PPP1R21: variants seen among roughly 807,000 people sequenced by gnomAD.
PPP1R21 encodes KLRAQ motif containing 1.
PPP1R21 carries 85 observed loss-of-function variants against 112.8 expected under a neutral mutation model. The observed-to-expected ratio is 0.75, with a 90% CI of 0.63 to 0.90. PPP1R21 has a LOEUF of 0.90. Ranked by LOEUF, PPP1R21 falls within the 40% of genes least tolerant of loss-of-function variation. The probability of loss-of-function intolerance (pLI) is 0.00; values close to 1 mark genes in which losing one functional copy is unlikely to be tolerated. For missense variants in PPP1R21, 1,199 were observed against 901.5 expected (o/e 1.33, Z -4.23); for synonymous variants, 381 against 322.3 (o/e 1.18, Z -1.95).
chr2:48,463,365 A>G (rs187870131), intron 7 of PPP1R21, among the ~76,000 whole-genome samples: 1 of 152,236 alleles, frequency 6.6e-6, no homozygotes, highest in African/African-American at 2.4e-5. Context: ...TCAGAGGGTG[A>G]TGTATCAAGG....
Position 48,494,411 on chromosome 2 carries a change from TTTTATTTATTTA to T in PPP1R21, c.1600-1248_1600-1237del, listed in dbSNP as rs150607938. Among the ~76,000 whole-genome samples the T allele has an allele frequency of 1.8e-4, 27 of 146,900 alleles. No individual in the cohort carries two copies. In the East Asian group the frequency reaches 2.0e-3, roughly 11 times the overall value. On this transcript the variant is annotated intron_variant, in intron 15 of 21. Transcript: ENST00000294952. ...GTCATCTAACATAAAGCCTATTTTA[TTTTATTTATTTA>T]TTTATTTATTTATTTATTTTTGAAT...
chr2:48,507,976 G>A lies in PPP1R21; in HGVS notation c.2085+591G>A, dbSNP rs529535429. On this transcript the variant is annotated intron_variant, in intron 19 of 21. Transcript: ENST00000294952. ...GATGGAGTTTCACCATGTTGGCCAG[G>A]CTGGTCTTGAACTCCTGACCTCAGG... is the stretch of plus-strand genomic sequence containing the variant. Among the ~76,000 whole-genome samples, 215 of 150,510 alleles carry A rather than the reference G, an allele frequency of 1.4e-3. 1 individual carries two copies. The highest frequency in any genetic ancestry group is 2.6e-3 in the Non-Finnish European group (175 of 67,690).
At position 48,486,651 on chromosome 2, in the gene PPP1R21, C is replaced by A. The variant is rs1345381391; in HGVS notation, c.1339C>A (p.Gln447Lys). ...VMKDISKHYS[Q>K]KAAIEHELPT... ...TATAGATATTTCCAAACATTATAGT[C>A]AAAAAGCTGCAATAGAGCATGAACT... Residue 447 changes from glutamine to lysine, a missense_variant, in exon 14 of 22, where the codon CAA becomes AAA. Coordinates refer to ENST00000294952, the MANE Select transcript of PPP1R21 (RefSeq NM_001135629.3). 7 of 1,611,226 alleles carry A rather than the reference C, an allele frequency of 4.3e-6. No individual in the cohort carries two copies. The highest frequency in any genetic ancestry group is 2.7e-5 in the African/African-American group (2 of 74,934).
intron 18 of PPP1R21, among the ~76,000 whole-genome samples, chr2:48,506,346 G>A (rs1572898292): frequency 6.6e-6 from 1 of 152,154 alleles, no homozygotes; most frequent in African/African-American, 2.4e-5. Context: ...CATCTGCCTC[G>A]GCCTCCCAAA....
rs1309961272 is a variant in PPP1R21 at position 48,510,450 on chromosome 2, T to C, written c.2184+337T>C. Reference sequence around the variant, plus strand: ...TACATAGTACTCTGTTCCTTTTCTTTCCTGTTGCATAAAACGGATCTAAAC... The same window carrying C: ...TACATAGTACTCTGTTCCTTTTCTTCCCTGTTGCATAAAACGGATCTAAAC... On this transcript the variant is annotated intron_variant, in intron 20 of 21. Transcript: ENST00000294952. 3.3e-5 allele frequency among the ~76,000 whole-genome samples: 5 copies of C among 152,236 alleles called. No homozygotes were observed. In the South Asian group the frequency reaches 1.0e-3, roughly 31 times the overall value.
intron 2 of PPP1R21, among the ~76,000 whole-genome samples, chr2:48,451,328 C>T (rs1667459973): frequency 1.3e-5 from 2 of 152,176 alleles, no homozygotes; most frequent in African/African-American, 4.8e-5. Context: ...ACTCCTGTGC[C>T]TCAAGGCCTT....
rs757665405 is a variant in PPP1R21, at chr2:48,458,266, G to A, written c.375+39G>A. On this transcript the variant is annotated intron_variant, in intron 4 of 21. Transcript: ENST00000294952. ...TTTTTCTATGTGAATTAAAAAATGG[G>A]TCTGTGATCTGTTAATGTGGAAAAG... 2.9e-6 allele frequency: 4 copies of A among 1,372,554 alleles called. No individual in the cohort carries two copies. In the African/African-American group the frequency reaches 5.7e-5, roughly 20 times the overall value. The allele number at this position is 1,372,554 out of a possible 1,614,324, so 85.0% of individuals were successfully genotyped here. A position where few individuals can be genotyped will look rare whatever the true frequency, so the allele number is the denominator to read the frequency against.
chr2:48,488,799 A>AT (rs1203288362), intron 14 of PPP1R21, among the ~76,000 whole-genome samples: 3 of 152,216 alleles, frequency 2.0e-5, no homozygotes, highest in African/African-American at 7.2e-5. Context: ...ATATGATTTG[A>AT]TTAACCTAAT....
At chr2:48,445,234 G>C (rs75150625) in intron 1 of PPP1R21, among the ~76,000 whole-genome samples, 17,990 of 149,428 alleles carry the variant, frequency 0.12, 1,137 homozygotes, top group African/African-American at 0.16. Context: ...TCCAATGGAA[G>C]TTTCCATGAG....
chr2:48,469,552 T>TAG lies in PPP1R21; in HGVS notation c.898-1522_898-1521dup, dbSNP rs71327622. On this transcript the variant is annotated intron_variant, in intron 9 of 21. Coordinates refer to ENST00000294952, the MANE Select transcript of PPP1R21 (RefSeq NM_001135629.3). ...TATATATATAGAGCATATATATATA[T>TAG]AGAGAGAGAGAGAGCATATATATAT... is the stretch of plus-strand genomic sequence containing the variant. Among the ~76,000 whole-genome samples the TAG allele has an allele frequency of 1.3e-4, 14 of 106,904 alleles. 1 individual carries two copies. In the East Asian group the frequency reaches 2.8e-3, roughly 21 times the overall value. The allele number at this position is 106,904 out of a possible 152,430, so 70.1% of individuals were successfully genotyped here.
intron 11 of PPP1R21, among the ~76,000 whole-genome samples, chr2:48,473,089 C>G (rs1217993189): frequency 6.7e-6 from 1 of 148,832 alleles, no homozygotes; most frequent in South Asian, 2.1e-4. Flanking sequence ...AAGAAATATA[C>G]AATTTTATTA....
chr2:48,507,749 C>CTTTTTTTTTTTTTTTTTTT lies in PPP1R21; in HGVS notation c.2085+380_2085+398dup, dbSNP rs34546075. On this transcript the variant is annotated intron_variant, in intron 19 of 21. Coordinates refer to ENST00000294952, the MANE Select transcript of PPP1R21 (RefSeq NM_001135629.3). ...AAGACTGATTTGAGTGAGGCTCTGC[C>CTTTTTTTTTTTTTTTTTTT]TTTTTTTTTTTTTTTTTTTTTTTTT... Among the ~76,000 whole-genome samples, 8 of 42,390 alleles carry CTTTTTTTTTTTTTTTTTTT rather than the reference C, an allele frequency of 1.9e-4. 1 individual carries two copies. Among genetic ancestry groups the CTTTTTTTTTTTTTTTTTTT allele is most frequent in the African/African-American group, 3.1e-4 (3 of 9,802 alleles). The allele number at this position is 42,390 out of a possible 152,430, so 27.8% of individuals were successfully genotyped here.
chr2:48,502,205 T>G (rs1277262081), intron 17 of PPP1R21, among the ~76,000 whole-genome samples: 1 of 152,152 alleles, frequency 6.6e-6, no homozygotes, highest in Admixed American at 6.5e-5. Flanking sequence ...ATGACCTTAG[T>G]TGGGTTTGGT....
At chr2:48,468,896 C>T (rs982082917) in intron 9 of PPP1R21, among the ~76,000 whole-genome samples, 2 of 147,304 alleles carry the variant, frequency 1.4e-5, no homozygotes, top group South Asian at 2.2e-4. Context: ...TGTATAAGTC[C>T]GTCTTCACGC....
At chr2:48,476,842 A>G (rs1668779755) in intron 12 of PPP1R21, among the ~76,000 whole-genome samples, 1 of 152,120 alleles carries the variant, frequency 6.6e-6, no homozygotes, top group South Asian at 2.1e-4. Context: ...TATACATACA[A>G]GTCACTTATT....
intron 9 of PPP1R21, among the ~76,000 whole-genome samples, chr2:48,468,825 A>ACGTATG (rs1553339031): frequency 4.6e-5 from 2 of 43,906 alleles, no homozygotes; most frequent in Admixed American, 2.4e-4. Context: ...AAGAAAAAAA[A>ACGTATG]TGTATGTGTG....
intron 13 of PPP1R21, among the ~76,000 whole-genome samples, chr2:48,484,187 A>G (rs1476774383): frequency 6.6e-6 from 1 of 152,178 alleles, no homozygotes; most frequent in Admixed American, 6.5e-5. Context: ...GCAGCCACCC[A>G]AGACCATGCT....
chr2:48,461,146 A>T lies in PPP1R21; in HGVS notation c.608A>T (p.Gln203Leu), dbSNP rs546913139. 1.3e-5 allele frequency: 21 copies of T among 1,572,746 alleles called. No homozygotes were observed. The highest frequency in any genetic ancestry group is 1.8e-5 in the Non-Finnish European group (21 of 1,168,314). The change falls in exon 7 of 22, where the codon CAG becomes CTG. Residue 203 changes from glutamine (Q) to leucine (L), a missense_variant. Coordinates refer to ENST00000294952, the MANE Select transcript of PPP1R21 (RefSeq NM_001135629.3). The part of the protein sequence containing the change: ...CRLRTEECQL[Q>L]LKTLHEDLSG... ...TTTTTTTTTTTTTGCAGTCAATTAC[A>T]GTTAAAGACTCTTCATGAAGATTTG...
At chr2:48,461,049 C>G (rs1667953516) in intron 6 of PPP1R21, 89 bp from the exon 7 acceptor site, 2 of 1,489,270 alleles carry the variant, frequency 1.3e-6, no homozygotes, top group African/African-American at 1.5e-5. Context: ...TCTCTGGAAG[C>G]CTACTACCAG....
Sources: allele counts gnomAD v4.1 joint callset (sites outside exome capture counted in the v4.1 genomes callset), GRCh38; gene constraint gnomAD v4.1.1; transcripts MANE v1.5; gene names NCBI Gene and HGNC (gene_info 2026-07-23, HGNC 2026-07-21).